Variants in SFXN5 observed in about 807,000 individuals in gnomAD.
The protein encoded by SFXN5 is sideroflexin 5, also known as sideroflexin-5.
A neutral mutation model predicts 50.2 loss-of-function variants in SFXN5; 43 were observed. The ratio of observed to expected loss-of-function variants is 0.86; its 90% CI spans 0.67 to 1.11. The LOEUF (loss-of-function observed/expected upper bound fraction) is 1.11. Among genes scored for constraint, SFXN5 ranks in the 50% least tolerant of loss-of-function variants. SFXN5 has a pLI of 0.00. For missense variants in SFXN5, 463 were observed against 454.1 expected (o/e 1.02, Z -0.18); for synonymous variants, 203 against 185.8 (o/e 1.09, Z -0.75).
At chr2:72,974,856 A>AG (rs34388988) in intron 10 of SFXN5, among the ~76,000 whole-genome samples, 2,563 of 25,244 alleles carry the variant, frequency 0.1, 82 homozygotes, top group African/African-American at 0.31. Context: ...AGAGAGAGAG[A>AG]AAAAAAAAAA....
chr2:73,057,955 C>T (rs1299634757), intron 2 of SFXN5: 1 of 152,176 alleles, frequency 6.6e-6, no homozygotes, highest in Non-Finnish European at 1.5e-5. Context: ...TTATTAATTA[C>T]CCAGTCTCGG....
intron 2 of SFXN5, among the ~76,000 whole-genome samples, chr2:73,047,249 T>TATATATATATATACACAC (rs1680522798): frequency 5.2e-5 from 1 of 19,324 alleles, no homozygotes; most frequent in Non-Finnish European, 1.2e-4. Context: ...AAAAAAAATA[T>TATATATATATATACACAC]ATATATATAT....
chr2:72,989,495 A>C (rs1184611525), intron 9 of SFXN5, among the ~76,000 whole-genome samples: 1 of 152,132 alleles, frequency 6.6e-6, no homozygotes, highest in Non-Finnish European at 1.5e-5. Flanking sequence ...GAAGCTATAT[A>C]ATCATGATGT....
In SFXN5 at chr2:73,024,411, C is replaced by A. The variant is rs180676039; in HGVS notation, c.250-1197G>T. On this transcript the variant is annotated intron_variant, in intron 3 of 13. Transcript: ENST00000272433. ...GTGGCTCACACCTGTAGTCCCAACA[C>A]TTTAGGAGGCCAAAGCAGGAGGATT... Among the ~76,000 whole-genome samples, 291 of 152,322 alleles carry A rather than the reference C, an allele frequency of 1.9e-3. 3 individuals are homozygous for A. The highest frequency in any genetic ancestry group is 6.8e-3 in the Middle Eastern group (2 of 294).
intron 10 of SFXN5, among the ~76,000 whole-genome samples, chr2:72,983,270 C>T (rs1671531923): frequency 1.3e-5 from 2 of 152,196 alleles, no homozygotes; most frequent in Admixed American, 1.3e-4. Context: ...GAACAGAAGA[C>T]CTTCTCCCAA....
At chr2:72,968,412 C>A in intron 12 of SFXN5, 36 bp downstream of exon 12, 1 of 1,594,290 alleles carries the variant, frequency 6.3e-7, no homozygotes. Context: ...CCTCCTCCCC[C>A]ATGGTGGCCT....
intron 11 of SFXN5, among the ~76,000 whole-genome samples, chr2:72,971,310 C>A (rs981967298): frequency 2.0e-5 from 3 of 151,688 alleles, no homozygotes; most frequent in Non-Finnish European, 4.4e-5. Context: ...CTGGGTGAGA[C>A]AAGCAAGAAG....
In SFXN5 at chr2:72,944,892, G is replaced by A; in HGVS notation, c.*130C>T. Reference sequence around the variant, plus strand: ...TCAGTCTCCCTCCACTGTAGGTTGAGCACTCTCCCAGGGGGCCCAGGACTG... The same window carrying A: ...TCAGTCTCCCTCCACTGTAGGTTGAACACTCTCCCAGGGGGCCCAGGACTG... On this transcript the variant is annotated 3_prime_UTR_variant, in exon 14 of 14. Transcript: ENST00000272433. 2.7e-6 allele frequency: 2 copies of A among 734,618 alleles called. No homozygotes were observed. The highest frequency in any genetic ancestry group is 4.6e-6 in the Non-Finnish European group (2 of 437,734). 45.5% of individuals were successfully genotyped at this position (734,618 alleles called of 1,614,324 possible). A position where few individuals can be genotyped will look rare whatever the true frequency, so the allele number is the denominator to read the frequency against.
intron 2 of SFXN5, among the ~76,000 whole-genome samples, chr2:73,047,275 T>TATATATATATATATACACAC (rs1300799277): frequency 1.9e-5 from 1 of 51,764 alleles, no homozygotes; most frequent in African/African-American, 8.1e-5. Flanking sequence ...TATATATATA[T>TATATATATATATATACACAC]ACACACATAT....
chr2:72,990,276 C>T (rs1244546358), intron 9 of SFXN5, among the ~76,000 whole-genome samples: 4 of 152,180 alleles, frequency 2.6e-5, no homozygotes, highest in South Asian at 2.1e-4. Flanking sequence ...CCAGCTCGCT[C>T]GAGGGAAGGC....
chr2:73,047,236 AAAAAAAAAAATATATATAT>A (rs1680480732), intron 2 of SFXN5, among the ~76,000 whole-genome samples: 5 of 64,566 alleles, frequency 7.7e-5, no homozygotes, highest in African/African-American at 3.1e-4. Flanking sequence ...AAAAAAAAAA[AAAAAAAAAAATATATATAT>A]ATATATATAT....
chr2:73,065,230 A>G (rs1462909833), intron 1 of SFXN5, among the ~76,000 whole-genome samples: 2 of 152,008 alleles, frequency 1.3e-5, no homozygotes, highest in Non-Finnish European at 2.9e-5. Context: ...CCTCCCAAGT[A>G]GCTGGGACTA....
intron 10 of SFXN5, among the ~76,000 whole-genome samples, chr2:72,982,028 AC>A (rs141972609): frequency 0.058 from 8,749 of 150,352 alleles, 810 homozygotes; most frequent in African/African-American, 0.2. Flanking sequence ...ACCACCTCTT[AC>A]CCCCAAAGAA....
In SFXN5 at chr2:72,971,952, C is replaced by T. The variant is rs556778240; in HGVS notation, c.626-267G>A. 1.9e-4 allele frequency among the ~76,000 whole-genome samples: 29 copies of T among 152,276 alleles called. 1 individual carries two copies. The highest frequency in any genetic ancestry group is 9.2e-4 in the Admixed American group (14 of 15,300). ...CTGGCCTCAGAGAGCGGCCACTTAC[C>T]GAGGGGCTGCTTTCCTCTCCTCCAG... On this transcript the variant is annotated intron_variant, in intron 10 of 13. Coordinates refer to ENST00000272433, the MANE Select transcript of SFXN5 (RefSeq NM_144579.3).
At chr2:72,980,228 A>C (rs1160478245) in intron 10 of SFXN5, among the ~76,000 whole-genome samples, 3 of 152,012 alleles carry the variant, frequency 2.0e-5, no homozygotes, top group African/African-American at 4.8e-5. Flanking sequence ...AATAAAAAGT[A>C]AGTCTCCTTC....
intron 12 of SFXN5, among the ~76,000 whole-genome samples, chr2:72,965,969 C>A (rs1053684106): frequency 7.9e-5 from 12 of 152,176 alleles, no homozygotes; most frequent in African/African-American, 2.9e-4. Context: ...GAGGGCCTGT[C>A]TGAGACAGCC....
At chr2:73,051,998 T>C (rs1427846638) in intron 2 of SFXN5, among the ~76,000 whole-genome samples, 3 of 152,216 alleles carry the variant, frequency 2.0e-5, no homozygotes, top group African/African-American at 7.2e-5. Context: ...ATTCAAACCA[T>C]AGCTTATGAA....
chr2:72,994,566 T>C (rs532868619), intron 9 of SFXN5, among the ~76,000 whole-genome samples: 37 of 152,092 alleles, frequency 2.4e-4, no homozygotes, highest in Non-Finnish European at 4.6e-4. Flanking sequence ...GTGCCTCTCA[T>C]CATGTGGCTC....
At chr2:72,979,152 G>A (rs137956923) in intron 10 of SFXN5, among the ~76,000 whole-genome samples, 1 of 152,262 alleles carries the variant, frequency 6.6e-6, no homozygotes, top group Non-Finnish European at 1.5e-5. Context: ...CAATACAATT[G>A]ATGGCTTATG....
Sources: allele counts gnomAD v4.1 joint callset (sites outside exome capture counted in the v4.1 genomes callset), GRCh38; gene constraint gnomAD v4.1.1; transcripts MANE v1.5; gene names NCBI Gene and HGNC (gene_info 2026-07-23, HGNC 2026-07-21).